Variants in CNTN5 observed in about 807,000 individuals in gnomAD.
CNTN5 encodes the protein contactin-5.
In CNTN5, 77 loss-of-function variants were observed where a neutral mutation model predicts 129.1. The observed-to-expected ratio is 0.60, with a 90% CI of 0.50 to 0.72. The LOEUF (loss-of-function observed/expected upper bound fraction) is 0.72. CNTN5 is among the 30% of genes least tolerant of loss of function. The probability of loss-of-function intolerance (pLI) is 0.00; values close to 1 mark genes in which losing one functional copy is unlikely to be tolerated. For missense variants in CNTN5, 1,478 were observed against 1,328.8 expected, an observed-to-expected ratio of 1.11 and a Z score of -1.75; for synonymous variants, 509 against 465.6, an observed-to-expected ratio of 1.09 and a Z score of -1.20.
chr11:99,824,185 T>A (rs1463073997), intron 4 of CNTN5, among the ~76,000 whole-genome samples: 1 of 152,056 alleles, frequency 6.6e-6, no homozygotes, highest in Non-Finnish European at 1.5e-5. Context: ...TATAAAAGCA[T>A]TGTAACATTT....
At chr11:99,889,562 T>G (rs1949003759) in intron 6 of CNTN5, among the ~76,000 whole-genome samples, 1 of 149,762 alleles carries the variant, frequency 6.7e-6, no homozygotes, top group Admixed American at 6.8e-5. Flanking sequence ...TGAGATTGAG[T>G]TTCACTCTTG....
chr11:99,022,419 A>T (rs1294541217), intron 1 of CNTN5, among the ~76,000 whole-genome samples: 1 of 152,210 alleles, frequency 6.6e-6, no homozygotes, highest in Non-Finnish European at 1.5e-5. Context: ...ATTTTAAAAA[A>T]TAATGATTAG....
At chr11:99,037,927 A>G (rs1036471643) in intron 1 of CNTN5, among the ~76,000 whole-genome samples, 2 of 152,108 alleles carry the variant, frequency 1.3e-5, no homozygotes, top group Non-Finnish European at 2.9e-5. Context: ...AGGATAAGAA[A>G]GTGTTTTGAT....
chr11:100,114,825 A>T (rs2138134244), intron 13 of CNTN5, among the ~76,000 whole-genome samples: 1 of 152,244 alleles, frequency 6.6e-6, no homozygotes, highest in South Asian at 2.1e-4. Flanking sequence ...TGTACCAGTC[A>T]CTATGCTTAG....
intron 6 of CNTN5, among the ~76,000 whole-genome samples, chr11:99,847,601 C>A (rs1041136242): frequency 2.0e-5 from 3 of 152,110 alleles, no homozygotes; most frequent in African/African-American, 7.2e-5. Flanking sequence ...CCAATTCTGC[C>A]TCAAAATTGT....
At chr11:99,790,257 G>A (rs543571463) in intron 3 of CNTN5, among the ~76,000 whole-genome samples, 1 of 151,978 alleles carries the variant, frequency 6.6e-6, no homozygotes, top group Non-Finnish European at 1.5e-5. Flanking sequence ...TAGGAGTTTG[G>A]TTTACAGATT....
chr11:100,122,682 G>T (rs1435184962), intron 13 of CNTN5, among the ~76,000 whole-genome samples: 1 of 152,002 alleles, frequency 6.6e-6, no homozygotes, highest in Non-Finnish European at 1.5e-5. Context: ...ACTACTAAAT[G>T]GGCCATTCTG....
chr11:99,383,265 A>G (rs1427263965), intron 2 of CNTN5, among the ~76,000 whole-genome samples: 1 of 152,206 alleles, frequency 6.6e-6, no homozygotes, highest in Non-Finnish European at 1.5e-5. Context: ...AAGAAATAGG[A>G]AGAAAAGACC....
intron 2 of CNTN5, among the ~76,000 whole-genome samples, chr11:99,555,347 G>T (rs1446804183): frequency 6.6e-6 from 1 of 151,904 alleles, no homozygotes. Context: ...AAATTCTGGA[G>T]GTACTTGTGG....
At chr11:99,434,216 T>C (rs1461011387) in intron 2 of CNTN5, among the ~76,000 whole-genome samples, 1 of 152,178 alleles carries the variant, frequency 6.6e-6, no homozygotes, top group Non-Finnish European at 1.5e-5. Context: ...TCCTCTTCAA[T>C]ATTGTGGAAA....
chr11:99,765,709 A>C (rs1944730701), intron 3 of CNTN5, among the ~76,000 whole-genome samples: 1 of 151,180 alleles, frequency 6.6e-6, no homozygotes, highest in East Asian at 1.9e-4. Flanking sequence ...ACAACTATAG[A>C]AGAGTCTACA....
intron 1 of CNTN5, among the ~76,000 whole-genome samples, chr11:99,043,779 T>G (rs534100516): frequency 2.6e-5 from 4 of 152,248 alleles, no homozygotes; most frequent in Non-Finnish European, 4.4e-5. Context: ...AGGATATAAT[T>G]TAGGATATTA....
At chr11:99,729,981 G>C (rs908590782) in intron 3 of CNTN5, among the ~76,000 whole-genome samples, 1 of 152,070 alleles carries the variant, frequency 6.6e-6, no homozygotes, top group Non-Finnish European at 1.5e-5. Context: ...TGGGTTGAGA[G>C]GTTAACGTGT....
intron 21 of CNTN5, chr11:100,308,999 T>C: frequency 1.0e-6 from 1 of 984,972 alleles, no homozygotes; most frequent in Non-Finnish European, 1.2e-6. Context: ...TCATATCAAA[T>C]GAATAACATC....
intron 13 of CNTN5, among the ~76,000 whole-genome samples, chr11:100,094,572 A>C (rs1158331091): frequency 6.6e-6 from 1 of 151,912 alleles, no homozygotes; most frequent in Non-Finnish European, 1.5e-5. Context: ...GGGTGATTTA[A>C]TTTTCTGGGT....
chr11:99,635,014 T>C (rs1381418551), intron 3 of CNTN5, among the ~76,000 whole-genome samples: 1 of 152,188 alleles, frequency 6.6e-6, no homozygotes, highest in Admixed American at 6.5e-5. Context: ...TCTGTATACA[T>C]TTGTGGGGAA....
chr11:99,373,305 A>AG lies in CNTN5; in HGVS notation c.-71+47822dup, dbSNP rs545275349. Reference sequence around the variant, plus strand: ...ACTATTGAAAGCAGAAGATAAGAGAAGAAAATAATGAAGGGTCAATAGAGA... The same window carrying AG: ...ACTATTGAAAGCAGAAGATAAGAGAAGGAAAATAATGAAGGGTCAATAGAGA... On this transcript the variant is annotated intron_variant, in intron 2 of 24. Coordinates refer to ENST00000524871, the MANE Select transcript of CNTN5 (RefSeq NM_014361.4). Among the ~76,000 whole-genome samples the AG allele has an allele frequency of 3.9e-5, 6 of 152,332 alleles. No homozygotes were observed. In the East Asian group the frequency reaches 1.2e-3, roughly 29 times the overall value.
chr11:99,587,257 A>G (rs1378379720), intron 3 of CNTN5, among the ~76,000 whole-genome samples: 1 of 152,240 alleles, frequency 6.6e-6, no homozygotes, highest in Non-Finnish European at 1.5e-5. Flanking sequence ...GGATCTCCTC[A>G]TAGAATAGAA....
chr11:99,446,741 A>G (rs1207582312), intron 2 of CNTN5, among the ~76,000 whole-genome samples: 3 of 152,180 alleles, frequency 2.0e-5, no homozygotes, highest in African/African-American at 7.2e-5. Context: ...TCTCTTGCCT[A>G]TTAACTCAAT....
Sources: allele counts gnomAD v4.1 joint callset (sites outside exome capture counted in the v4.1 genomes callset), GRCh38; gene constraint gnomAD v4.1.1; transcripts MANE v1.5; gene names NCBI Gene and HGNC (gene_info 2026-07-23, HGNC 2026-07-21).